Variants in SOX6 observed in about 807,000 individuals in gnomAD.
The protein encoded by SOX6 is SRY-box transcription factor 6.
In SOX6, 11 loss-of-function variants were observed where a neutral mutation model predicts 97.8. That is an observed-to-expected ratio of 0.11 (90% CI 0.07 to 0.19). The LOEUF (loss-of-function observed/expected upper bound fraction) is 0.19. Among genes scored for constraint, SOX6 ranks in the 10% least tolerant of loss-of-function variants. The probability of loss-of-function intolerance (pLI) is 1.00; values close to 1 mark genes in which losing one functional copy is unlikely to be tolerated. For missense variants in SOX6, 810 were observed against 1,039.5 expected (o/e 0.78, Z 3.04); for synonymous variants, 360 against 371.4 (o/e 0.97, Z 0.35).
chr11:16,189,865 A>G (rs765454593), intron 4 of SOX6, among the ~76,000 whole-genome samples: 1 of 152,188 alleles, frequency 6.6e-6, no homozygotes, highest in Non-Finnish European at 1.5e-5. Context: ...TTAATAAAGA[A>G]GAGCTTACAC....
At chr11:16,257,022 T>A (rs1426188862) in intron 3 of SOX6, among the ~76,000 whole-genome samples, 4 of 151,760 alleles carry the variant, frequency 2.6e-5, no homozygotes, top group African/African-American at 9.7e-5. Context: ...AAAATCTATA[T>A]GAAGAAAACT....
At chr11:16,568,358 T>A (rs1490039145) in intron 4 of SOX6, among the ~76,000 whole-genome samples, 3 of 152,184 alleles carry the variant, frequency 2.0e-5, no homozygotes, top group African/African-American at 7.2e-5. Context: ...AGGTTATATA[T>A]TGTATGATTG....
At chr11:16,069,721 C>A (rs1264820917) in intron 9 of SOX6, among the ~76,000 whole-genome samples, 1 of 152,120 alleles carries the variant, frequency 6.6e-6, no homozygotes, top group Admixed American at 6.5e-5. Context: ...TTTATTTTCA[C>A]CCACTTTGAG....
chr11:16,663,518 T>TGA (rs1847782197), intron 3 of SOX6, among the ~76,000 whole-genome samples: 1 of 152,164 alleles, frequency 6.6e-6, no homozygotes, highest in African/African-American at 2.4e-5. Flanking sequence ...ATACGGGGTA[T>TGA]CACCATGTTC....
chr11:16,507,659 T>TG (rs1399487851), intron 4 of SOX6, among the ~76,000 whole-genome samples: 1 of 152,142 alleles, frequency 6.6e-6, no homozygotes, highest in African/African-American at 2.4e-5. Context: ...GAACATACAT[T>TG]GGGGAAAAGA....
At chr11:16,031,990 C>T (rs1453741117) in intron 12 of SOX6, among the ~76,000 whole-genome samples, 1 of 152,082 alleles carries the variant, frequency 6.6e-6, no homozygotes, top group Non-Finnish European at 1.5e-5. Flanking sequence ...TTGTAAGAGG[C>T]AACCCTCCTA....
intron 15 of SOX6, among the ~76,000 whole-genome samples, chr11:15,985,501 G>T (rs11023813): frequency 0.47 from 71,384 of 151,570 alleles, 17,299 homozygotes; most frequent in Non-Finnish European, 0.55. Flanking sequence ...ACAGTCATCT[G>T]CATCCCCACT....
chr11:16,634,468 A>T (rs1322356029), intron 3 of SOX6, among the ~76,000 whole-genome samples: 1 of 152,200 alleles, frequency 6.6e-6, no homozygotes, highest in Non-Finnish European at 1.5e-5. Flanking sequence ...TGGTCAAAAG[A>T]TTCTCAAATT....
intron 3 of SOX6, among the ~76,000 whole-genome samples, chr11:16,275,356 A>T (rs1314766951): frequency 1.3e-5 from 2 of 151,206 alleles, no homozygotes. Context: ...GGGGAGGCTG[A>T]GGCAGGAGAG....
intron 6 of SOX6, among the ~76,000 whole-genome samples, chr11:16,151,029 T>C (rs577570662): frequency 6.6e-6 from 1 of 152,308 alleles, no homozygotes; most frequent in African/African-American, 2.4e-5. Context: ...ACAATCAATT[T>C]TATTTAAACC....
chr11:16,602,082 T>G (rs1004132394), intron 4 of SOX6, among the ~76,000 whole-genome samples: 3 of 152,200 alleles, frequency 2.0e-5, no homozygotes, highest in African/African-American at 7.2e-5. Flanking sequence ...ATCATTTATA[T>G]CATGCTCCAT....
At chr11:16,534,416 T>C (rs1241193181) in intron 4 of SOX6, among the ~76,000 whole-genome samples, 1 of 152,174 alleles carries the variant, frequency 6.6e-6, no homozygotes, top group Non-Finnish European at 1.5e-5. Context: ...AGGTTTCTTC[T>C]AGAACTTTGC....
chr11:16,435,710 A>G (rs1859362684), intron 1 of SOX6, among the ~76,000 whole-genome samples: 1 of 152,134 alleles, frequency 6.6e-6, no homozygotes, highest in Admixed American at 6.6e-5. Flanking sequence ...TAGGAAATTA[A>G]TACACCTACC....
chr11:16,079,124 C>T (rs1313938187), intron 9 of SOX6, among the ~76,000 whole-genome samples: 3 of 152,126 alleles, frequency 2.0e-5, no homozygotes, highest in Non-Finnish European at 4.4e-5. Context: ...GCCAGGGCTG[C>T]CTTGCCTTGG....
rs1395453128 is a variant in SOX6 at position 16,520,430 on chromosome 11, G to A, written n.610-44042C>T. Among the ~76,000 whole-genome samples the A allele has an allele frequency of 2.6e-5, 4 of 152,270 alleles. No homozygotes were observed. The South Asian group carries it at 6.2e-4, about 24-fold the overall frequency. ...TCTGCATATGGCTAGCCATCAACTT[G>A]TTTATTAACCGTGTCTTCCAAATTC... On this transcript the variant is annotated intron_variant and non_coding_transcript_variant, in intron 4 of 5. Coordinates refer to the SOX6 transcript ENST00000524520.
chr11:16,109,539 T>C (rs948566312), intron 7 of SOX6, among the ~76,000 whole-genome samples: 1 of 152,024 alleles, frequency 6.6e-6, no homozygotes, highest in African/African-American at 2.4e-5. Context: ...ATAGCTCAGT[T>C]TGGGGCAAAA....
chr11:16,426,180 C>T (rs1174736503), intron 1 of SOX6, among the ~76,000 whole-genome samples: 10 of 122,840 alleles, frequency 8.1e-5, no homozygotes, highest in African/African-American at 3.1e-4. Flanking sequence ...GGTGTGAACC[C>T]GGGAGGCAGA....
intron 4 of SOX6, among the ~76,000 whole-genome samples, chr11:16,585,476 G>A (rs918137792): frequency 6.6e-6 from 1 of 152,064 alleles, no homozygotes; most frequent in South Asian, 2.1e-4. Flanking sequence ...TTAGAAAGTG[G>A]TGGAGTATGC....
chr11:16,680,454 G>C (rs1342139564), intron 3 of SOX6, among the ~76,000 whole-genome samples: 1 of 152,180 alleles, frequency 6.6e-6, no homozygotes, highest in Non-Finnish European at 1.5e-5. Flanking sequence ...AGCTCCTGAA[G>C]GAAGCACTAA....
Sources: allele counts gnomAD v4.1 joint callset (sites outside exome capture counted in the v4.1 genomes callset), GRCh38; gene constraint gnomAD v4.1.1; transcripts MANE v1.5; gene names NCBI Gene and HGNC (gene_info 2026-07-23, HGNC 2026-07-21).